The following GARRE1 variants were observed in gnomAD, a reference collection of about 807,000 sequenced individuals.
The protein encoded by GARRE1 is granule associated Rac and RHOG effector protein 1.
A neutral mutation model predicts 103.2 loss-of-function variants in GARRE1; 49 were observed. The ratio of observed to expected loss-of-function variants is 0.47; its 90% CI spans 0.38 to 0.60. The LOEUF (loss-of-function observed/expected upper bound fraction) is 0.60. GARRE1 is among the 20% of genes least tolerant of loss of function. GARRE1 has a pLI of 0.00. For synonymous variants in GARRE1, 505 were observed against 532.8 expected (o/e 0.95, Z 0.72); for missense variants, 1,199 against 1,370.5 (o/e 0.87, Z 1.98).
chr19:34,346,657 C>T (rs889275019), intron 10 of GARRE1, among the ~76,000 whole-genome samples: 2 of 152,176 alleles, frequency 1.3e-5, no homozygotes, highest in Non-Finnish European at 2.9e-5. Flanking sequence ...GCTCTTGTCA[C>T]CCAGGCCGGA....
chr19:34,279,089 C>T (rs986683127), intron 1 of GARRE1, among the ~76,000 whole-genome samples: 8 of 152,194 alleles, frequency 5.3e-5, no homozygotes, highest in African/African-American at 1.4e-4. Flanking sequence ...AATAATGCTT[C>T]GGTGAACATG....
intron 1 of GARRE1, among the ~76,000 whole-genome samples, chr19:34,277,626 T>TC (rs2073824548): frequency 1.3e-5 from 2 of 152,264 alleles, no homozygotes; most frequent in Non-Finnish European, 2.9e-5. Context: ...TATGTTTAGT[T>TC]CCCCACTTTA....
rs1443381062 is a variant in GARRE1 at position 34,353,399 on chromosome 19, C to T, written c.*444C>T. 1 of 182,862 alleles carries T rather than the reference C, an allele frequency of 5.5e-6. No homozygotes were observed. The highest frequency in any genetic ancestry group is 6.1e-5 in the Admixed American group (1 of 16,352). 11.3% of individuals were successfully genotyped at this position (182,862 alleles called of 1,614,324 possible). On this transcript the variant is annotated 3_prime_UTR_variant, in exon 14 of 14. Transcript: ENST00000299505. Reference sequence around the variant, plus strand: ...TCCTCCACACCTTGAGTGATGACCACACCAATCACTGTATTTTATAGCTTT... The same window carrying T: ...TCCTCCACACCTTGAGTGATGACCATACCAATCACTGTATTTTATAGCTTT...
chr19:34,299,769 TTAA>T lies in GARRE1; in HGVS notation c.-703_-701del, dbSNP rs1324012588. On this transcript the variant is annotated 5_prime_UTR_variant, in exon 2 of 14. The change abolishes an upstream ATG in the 5' untranslated region. Transcript: ENST00000299505. ...CAGCCCAGTCTGGAAGCATCTCTTA[TTAA>T]TGTTACAAGGAAACCGCTACCTCAG... 3.9e-5 allele frequency: 6 copies of T among 152,152 alleles called. No homozygotes were observed. The East Asian group carries it at 1.2e-3, about 29-fold the overall frequency. The allele number at this position is 152,152 out of a possible 1,614,324, so 9.4% of individuals were successfully genotyped here.
intron 2 of GARRE1, among the ~76,000 whole-genome samples, chr19:34,312,943 A>G (rs777053113): frequency 6.6e-6 from 1 of 152,178 alleles, no homozygotes; most frequent in Non-Finnish European, 1.5e-5. Context: ...AATAAAAATA[A>G]AAATAATAAA....
intron 2 of GARRE1, among the ~76,000 whole-genome samples, chr19:34,312,292 A>G (rs1476286567): frequency 6.6e-6 from 1 of 152,208 alleles, no homozygotes; most frequent in Non-Finnish European, 1.5e-5. Flanking sequence ...TACTGTGGTA[A>G]AATATATGTA....
chr19:34,305,732 T>C (rs1314113166), intron 2 of GARRE1, among the ~76,000 whole-genome samples: 2 of 152,258 alleles, frequency 1.3e-5, no homozygotes, highest in Admixed American at 1.3e-4. Context: ...TCTGCTTTCC[T>C]GGGACTGGCA....
intron 3 of GARRE1, among the ~76,000 whole-genome samples, chr19:34,324,929 T>C (rs2074105098): frequency 6.6e-6 from 1 of 152,238 alleles, no homozygotes; most frequent in Non-Finnish European, 1.5e-5. Context: ...AAACTTTATA[T>C]ACATAATGTC....
At chr19:34,278,652 G>C (rs1295026586) in intron 1 of GARRE1, among the ~76,000 whole-genome samples, 1 of 151,742 alleles carries the variant, frequency 6.6e-6, no homozygotes, top group East Asian at 1.9e-4. Context: ...CATCCATGTT[G>C]GAGCATGTTA....
chr19:34,334,170 C>G (rs2074150295), intron 8 of GARRE1, among the ~76,000 whole-genome samples: 1 of 152,182 alleles, frequency 6.6e-6, no homozygotes, highest in African/African-American at 2.4e-5. Context: ...AATTCCTTCT[C>G]CTCTGTTCCA....
At chr19:34,329,462 A>G (rs1011975498) in intron 6 of GARRE1, among the ~76,000 whole-genome samples, 3 of 152,182 alleles carry the variant, frequency 2.0e-5, no homozygotes, top group South Asian at 2.1e-4. Context: ...CATTTACTCT[A>G]TGGGGCTGAG....
chr19:34,320,256 T>G (rs1305111778), intron 3 of GARRE1, 140 bp downstream of exon 3: 1 of 772,196 alleles, frequency 1.3e-6, no homozygotes, highest in Non-Finnish European at 2.1e-6. Context: ...GTTCATTCAT[T>G]TAACAGTGAA....
chr19:34,326,235 C>T (rs2074111202), intron 3 of GARRE1, among the ~76,000 whole-genome samples: 2 of 152,192 alleles, frequency 1.3e-5, no homozygotes. Context: ...AGCTTTGGAA[C>T]TTTACGGCAT....
At chr19:34,323,901 C>T (rs1304170974) in intron 3 of GARRE1, among the ~76,000 whole-genome samples, 1 of 152,202 alleles carries the variant, frequency 6.6e-6, no homozygotes, top group Non-Finnish European at 1.5e-5. Flanking sequence ...TTGCTTTCAG[C>T]CAGTGATGCC....
chr19:34,344,855 T>TA (rs2074203643), intron 10 of GARRE1, among the ~76,000 whole-genome samples: 1 of 148,486 alleles, frequency 6.7e-6, no homozygotes, highest in South Asian at 2.2e-4. Flanking sequence ...TTTTTTTTTT[T>TA]ATACGGAGTC....
chr19:34,285,103 G>A (rs10415025), intron 1 of GARRE1: 14,783 of 149,484 alleles, frequency 0.099, 1,134 homozygotes, highest in African/African-American at 0.21. Flanking sequence ...CCAGGTGTTC[G>A]TGTGTGTGTG....
At chr19:34,292,279 G>A (rs10401792) in intron 1 of GARRE1, among the ~76,000 whole-genome samples, 114,914 of 152,164 alleles carry the variant, frequency 0.76, 43,914 homozygotes, top group African/African-American at 0.81. Context: ...TTTAAGGTTC[G>A]TCCATATTGT....
intron 1 of GARRE1, among the ~76,000 whole-genome samples, chr19:34,274,888 G>A (rs567842499): frequency 2.6e-5 from 4 of 152,294 alleles, no homozygotes; most frequent in African/African-American, 9.6e-5. Context: ...TCCGAGCAAA[G>A]CACTGAATTT....
intron 3 of GARRE1, among the ~76,000 whole-genome samples, chr19:34,324,873 C>T (rs574593541): frequency 2.3e-4 from 35 of 152,126 alleles, no homozygotes; most frequent in South Asian, 1.7e-3. Context: ...ATATTTTTTC[C>T]GTATATGAAT....
Sources: gnomAD v4.1 joint callset for allele counts (sites outside exome capture counted in the v4.1 genomes callset) on GRCh38, gnomAD v4.1.1 for gene constraint, MANE v1.5 for transcripts, NCBI Gene and HGNC (gene_info 2026-07-23, HGNC 2026-07-21) for gene names.